Variants in GRK5 observed in about 807,000 individuals in gnomAD.
GRK5 encodes the protein g protein-coupled receptor kinase GRK5.
A neutral mutation model predicts 78.4 loss-of-function variants in GRK5; 40 were observed. The observed-to-expected ratio is 0.51, with a 90% CI of 0.40 to 0.66. The LOEUF is 0.66. Ranked by LOEUF, GRK5 falls within the 30% of genes least tolerant of loss-of-function variation. GRK5 has a pLI of 0.00. For synonymous variants in GRK5, 289 were observed against 296.8 expected, an observed-to-expected ratio of 0.97 and a Z score of 0.27; for missense variants, 598 against 759.9, an observed-to-expected ratio of 0.79 and a Z score of 2.50.
At position 119,217,533 on chromosome 10, in the gene GRK5, G is replaced by A. The variant is rs771517829; in HGVS notation, c.52+9564G>A. On this transcript the variant is annotated intron_variant, in intron 1 of 15. Transcript: ENST00000392870. The surrounding 1 kb of genome is among the most constrained non-coding windows in gnomAD (Gnocchi z 4.1). ...CCTCCTACCAACACATCGGACAAGC[G>A]AGGCCAGCCTCTTGCGTTATTTTTC... 1.1e-4 allele frequency among the ~76,000 whole-genome samples: 16 copies of A among 152,222 alleles called. No individual in the cohort carries two copies. The highest frequency in any genetic ancestry group is 2.6e-4 in the Admixed American group (4 of 15,288).
intron 2 of GRK5, among the ~76,000 whole-genome samples, chr10:119,371,339 C>G (rs1224536443): frequency 1.3e-5 from 2 of 152,256 alleles, no homozygotes; most frequent in Non-Finnish European, 1.5e-5. Flanking sequence ...TCCTCGCCAC[C>G]TCCTATTGGG....
chr10:119,326,074 ACT>A (rs1399581976), intron 1 of GRK5, among the ~76,000 whole-genome samples: 1 of 152,016 alleles, frequency 6.6e-6, no homozygotes, highest in East Asian at 1.9e-4. Context: ...GGGGAAGGAG[ACT>A]CTCCACAGAA....
chr10:119,402,892 T>C (rs1852172704), intron 4 of GRK5, among the ~76,000 whole-genome samples: 1 of 152,196 alleles, frequency 6.6e-6, no homozygotes, highest in African/African-American at 2.4e-5. Context: ...ACCAATTTTT[T>C]TGAGATCTAT....
chr10:119,408,045 C>G (rs539676728), intron 4 of GRK5, among the ~76,000 whole-genome samples: 134 of 151,768 alleles, frequency 8.8e-4, no homozygotes, highest in African/African-American at 3.0e-3. Flanking sequence ...TGCCTGTATT[C>G]CCAGCTACTC....
intron 1 of GRK5, among the ~76,000 whole-genome samples, chr10:119,313,125 A>AATGGCAGTGG (rs1850410733): frequency 1.1e-5 from 1 of 91,948 alleles, no homozygotes; most frequent in Non-Finnish European, 2.4e-5. Context: ...GGTGATGGTG[A>AATGGCAGTGG]TGATGGTAAT....
intron 5 of GRK5, among the ~76,000 whole-genome samples, chr10:119,424,652 TCCCCCCAAA>T (rs1222720154): frequency 6.6e-6 from 1 of 150,526 alleles, no homozygotes; most frequent in African/African-American, 2.5e-5. Flanking sequence ...ACCCTTCCAG[TCCCCCCAAA>T]CTCATTCATG....
At chr10:119,384,688 A>G (rs1381194733) in intron 3 of GRK5, among the ~76,000 whole-genome samples, 1 of 141,648 alleles carries the variant, frequency 7.1e-6, no homozygotes, top group East Asian at 2.0e-4. Context: ...CACACGTAAC[A>G]GTTGAGTGAT....
rs763157287 is a variant in GRK5, at chr10:119,436,778, T to C, written c.866T>C (p.Leu289Ser). ...GNPGFEEERA[L>S]FYAAEILCGL... ...CCTGGCTTCGAGGAGGAGCGGGCCT[T>C]GTTTTATGCGGCAGAGATCCTCTGC... The change falls in exon 9 of 16, where the codon TTG becomes TCG. Residue 289 changes from leucine to serine, a missense_variant. Leu to Ser is a moderately radical substitution (Grantham distance 145). Transcript: ENST00000392870. 1.9e-6 allele frequency: 3 copies of C among 1,614,070 alleles called. No homozygotes were observed. The highest frequency in any genetic ancestry group is 2.5e-6 in the Non-Finnish European group (3 of 1,179,950).
At chr10:119,234,021 G>A (rs1327674217) in intron 1 of GRK5, among the ~76,000 whole-genome samples, 3 of 152,114 alleles carry the variant, frequency 2.0e-5, no homozygotes, top group East Asian at 1.9e-4. Context: ...TCCTTGTGGG[G>A]GCCTGGGCAT....
chr10:119,292,173 CTCT>C lies in GRK5; in HGVS notation c.53-34340_53-34338del, dbSNP rs1564879821. Reference sequence around the variant, plus strand: ...CTTCCTCCTCCTCTTCCTCCTCCTCCTCTTCCTCCTCCTCCTCTTCCTCCTTCT... The same window carrying C: ...CTTCCTCCTCCTCTTCCTCCTCCTCCTCCTCCTCCTCCTCTTCCTCCTTCT... On this transcript the variant is annotated intron_variant, in intron 1 of 15. Transcript: ENST00000392870. Among the ~76,000 whole-genome samples, 14 of 120,540 alleles carry C rather than the reference CTCT, an allele frequency of 1.2e-4. 1 individual carries two copies. Among genetic ancestry groups the C allele is most frequent in the Admixed American group, 2.6e-4 (3 of 11,532 alleles). The allele number at this position is 120,540 out of a possible 152,430, so 79.1% of individuals were successfully genotyped here.
At chr10:119,321,058 C>T (rs1564890132) in intron 1 of GRK5, among the ~76,000 whole-genome samples, 2 of 152,272 alleles carry the variant, frequency 1.3e-5, no homozygotes, top group South Asian at 2.1e-4. Flanking sequence ...TTCACAACCC[C>T]GCAGCAGCTT....
chr10:119,299,753 G>T (rs1212744809), intron 1 of GRK5, among the ~76,000 whole-genome samples: 1 of 151,874 alleles, frequency 6.6e-6, no homozygotes, highest in Non-Finnish European at 1.5e-5. Context: ...CTGGGCTCTT[G>T]GCTCCCCCTG....
chr10:119,351,898 T>C (rs757603906), intron 2 of GRK5, among the ~76,000 whole-genome samples: 16 of 152,210 alleles, frequency 1.1e-4, no homozygotes, highest in South Asian at 2.1e-4. Flanking sequence ...GTGAGGGAAC[T>C]TGAATTTGGA....
At chr10:119,240,270 C>T (rs1053383092) in intron 1 of GRK5, among the ~76,000 whole-genome samples, 4 of 146,054 alleles carry the variant, frequency 2.7e-5, no homozygotes, top group East Asian at 2.0e-4. Flanking sequence ...GCAGGATCTC[C>T]GCTCACTGCA....
intron 2 of GRK5, among the ~76,000 whole-genome samples, chr10:119,364,150 A>G (rs1337338917): frequency 6.6e-6 from 1 of 152,134 alleles, no homozygotes; most frequent in Non-Finnish European, 1.5e-5. Flanking sequence ...AATCCATCTT[A>G]AAGAAAGGGA....
At chr10:119,291,512 C>T (rs1293006564) in intron 1 of GRK5, among the ~76,000 whole-genome samples, 1 of 132,204 alleles carries the variant, frequency 7.6e-6, no homozygotes, top group South Asian at 2.4e-4. Flanking sequence ...GCTGCTGCCT[C>T]CTCCTCCTCC....
At chr10:119,320,352 G>A (rs1246827642) in intron 1 of GRK5, among the ~76,000 whole-genome samples, 1 of 152,256 alleles carries the variant, frequency 6.6e-6, no homozygotes, top group Non-Finnish European at 1.5e-5. Context: ...ACAAATAAGT[G>A]GGAAGATTTC....
chr10:119,236,325 C>T (rs1356639207), intron 1 of GRK5, among the ~76,000 whole-genome samples: 1 of 152,102 alleles, frequency 6.6e-6, no homozygotes, highest in Non-Finnish European at 1.5e-5. Flanking sequence ...ACGCCATTCT[C>T]CTGCCTCAGC....
intron 1 of GRK5, among the ~76,000 whole-genome samples, chr10:119,233,055 C>G (rs1848857475): frequency 6.6e-6 from 1 of 152,204 alleles, no homozygotes; most frequent in African/African-American, 2.4e-5. Flanking sequence ...TCAGCTTGGT[C>G]TGGGCCTCCC....
Sources: allele counts gnomAD v4.1 joint callset (sites outside exome capture counted in the v4.1 genomes callset), GRCh38; gene constraint gnomAD v4.1.1; non-coding constraint Gnocchi (gnomAD v3.1); transcripts MANE v1.5; gene names NCBI Gene and HGNC (gene_info 2026-07-23, HGNC 2026-07-21).